Variants in DLGAP1 observed in about 807,000 individuals in gnomAD.
The protein encoded by DLGAP1 is DLG associated protein 1, also known as disks large-associated protein 1.
Under a neutral mutation model 90.8 loss-of-function variants are expected in DLGAP1, and 11 were observed. The observed-to-expected ratio is 0.12, with a 90% confidence interval of 0.08 to 0.20. The LOEUF (loss-of-function observed/expected upper bound fraction) is 0.20, where lower values mean the gene tolerates loss of function less well. Ranked by LOEUF, DLGAP1 falls within the 10% of genes least tolerant of loss-of-function variation. The pLI is 1.00. For missense variants in DLGAP1, 1,050 were observed against 1,333.8 expected, an observed-to-expected ratio of 0.79 and a Z score of 3.31; for synonymous variants, 558 against 540.7, an observed-to-expected ratio of 1.03 and a Z score of -0.44.
chr18:4,075,221 A>T (rs370560191), intron 2 of DLGAP1, among the ~76,000 whole-genome samples: 1 of 152,170 alleles, frequency 6.6e-6, no homozygotes, highest in African/African-American at 2.4e-5. Context: ...ATGCATTCTT[A>T]TTTCAATGCT....
intron 7 of DLGAP1, among the ~76,000 whole-genome samples, chr18:3,586,280 A>T (rs960941101): frequency 1.3e-5 from 2 of 151,846 alleles, no homozygotes; most frequent in Non-Finnish European, 2.9e-5. Flanking sequence ...GAGGGACATT[A>T]CTCATTATTA....
At chr18:3,576,861 C>A (rs553969499) in intron 8 of DLGAP1, among the ~76,000 whole-genome samples, 1 of 143,426 alleles carries the variant, frequency 7.0e-6, no homozygotes, top group East Asian at 2.0e-4. Flanking sequence ...CCACTACGCC[C>A]GGCCTTTTTT....
At position 3,922,800 on chromosome 18, in the gene DLGAP1, G is replaced by C. The variant is rs181129746; in HGVS notation, c.-72-42660C>G. Reference sequence around the variant, plus strand: ...ACTTCTGGGTAAAAGGATTTAGGTAGCTTCAGATTTAATAAATACTGTCAA... The same window carrying C: ...ACTTCTGGGTAAAAGGATTTAGGTACCTTCAGATTTAATAAATACTGTCAA... On this transcript the variant is annotated intron_variant, in intron 3 of 12. Coordinates refer to ENST00000315677, the MANE Select transcript of DLGAP1 (RefSeq NM_004746.4). Among the ~76,000 whole-genome samples the C allele has an allele frequency of 2.8e-3, 428 of 152,188 alleles. 3 individuals carry two copies. The highest frequency in any genetic ancestry group is 0.01 in the African/African-American group (418 of 41,534).
chr18:3,845,360 G>C, intron 4 of DLGAP1: 1 of 1,541,354 alleles, frequency 6.5e-7, no homozygotes. Flanking sequence ...ATTCTAAGTG[G>C]TTGAGTGAGG....
At chr18:3,641,188 ATAT>A (rs1489990175) in intron 7 of DLGAP1, among the ~76,000 whole-genome samples, 1 of 151,850 alleles carries the variant, frequency 6.6e-6, no homozygotes, top group Non-Finnish European at 1.5e-5. Context: ...TATATATCAT[ATAT>A]TAATACATAA....
chr18:3,948,973 T>A (rs1457218457), intron 3 of DLGAP1, among the ~76,000 whole-genome samples: 1 of 152,116 alleles, frequency 6.6e-6, no homozygotes, highest in Non-Finnish European at 1.5e-5. Context: ...AACTACATCA[T>A]TATAAACCTA....
At chr18:4,298,232 C>T (rs529932030) in intron 1 of DLGAP1, among the ~76,000 whole-genome samples, 10 of 152,204 alleles carry the variant, frequency 6.6e-5, no homozygotes, top group South Asian at 2.1e-4. Flanking sequence ...GCATCCCCCG[C>T]GAATACTGCA....
At chr18:4,002,622 T>C (rs1410042855) in intron 3 of DLGAP1, among the ~76,000 whole-genome samples, 3 of 152,164 alleles carry the variant, frequency 2.0e-5, no homozygotes, top group Admixed American at 1.3e-4. Context: ...ATACAACATA[T>C]GTATTCAATG....
intron 10 of DLGAP1, among the ~76,000 whole-genome samples, chr18:3,521,782 T>C (rs2051208814): frequency 6.6e-6 from 1 of 152,216 alleles, no homozygotes; most frequent in Admixed American, 6.5e-5. Context: ...TAACTCCTAT[T>C]ATCTCCACTG....
At chr18:4,232,749 C>T (rs943249979) in intron 1 of DLGAP1, among the ~76,000 whole-genome samples, 1 of 152,184 alleles carries the variant, frequency 6.6e-6, no homozygotes, top group African/African-American at 2.4e-5. Context: ...TAGCTCCTCT[C>T]ATATGGGACT....
chr18:3,568,622 T>C (rs2054570407), intron 8 of DLGAP1, among the ~76,000 whole-genome samples: 1 of 152,138 alleles, frequency 6.6e-6, no homozygotes, highest in Non-Finnish European at 1.5e-5. Flanking sequence ...AGAATTATTG[T>C]CAATTATTTG....
At chr18:3,833,148 TC>T (rs1377723710) in intron 4 of DLGAP1, among the ~76,000 whole-genome samples, 2 of 710 alleles carry the variant, frequency 2.8e-3, no homozygotes, top group African/African-American at 9.1e-3. Flanking sequence ...CTTCCTTCCT[TC>T]CTTCCTTCCT....
intron 10 of DLGAP1, among the ~76,000 whole-genome samples, chr18:3,531,439 T>TA (rs935953718): frequency 3.7e-4 from 55 of 150,544 alleles, no homozygotes; most frequent in East Asian, 3.1e-3. Flanking sequence ...CTCTGTCTTT[T>TA]AAAAAAAAAA....
At chr18:4,267,489 C>T (rs1298585758) in intron 1 of DLGAP1, among the ~76,000 whole-genome samples, 1 of 152,164 alleles carries the variant, frequency 6.6e-6, no homozygotes, top group African/African-American at 2.4e-5. Context: ...TTTGTTTTAA[C>T]AAACACAAGA....
chr18:3,692,406 T>C (rs567420224), intron 7 of DLGAP1, among the ~76,000 whole-genome samples: 1 of 152,332 alleles, frequency 6.6e-6, no homozygotes, highest in Non-Finnish European at 1.5e-5. Flanking sequence ...TCAAATGTAA[T>C]TTTATCATTT....
intron 7 of DLGAP1, among the ~76,000 whole-genome samples, chr18:3,618,400 C>A (rs1430667089): frequency 1.3e-5 from 2 of 152,060 alleles, no homozygotes; most frequent in African/African-American, 2.4e-5. Flanking sequence ...TTTCAAAGAA[C>A]ATCCGACACA....
intron 2 of DLGAP1, among the ~76,000 whole-genome samples, chr18:4,042,603 G>A (rs556092383): frequency 4.6e-5 from 7 of 152,252 alleles, no homozygotes; most frequent in African/African-American, 1.7e-4. Context: ...GCTGGTCAGG[G>A]GTGGCGTGCG....
At chr18:3,764,043 C>G (rs532706629) in intron 5 of DLGAP1, among the ~76,000 whole-genome samples, 75 of 152,254 alleles carry the variant, frequency 4.9e-4, no homozygotes, top group Admixed American at 7.8e-4. Context: ...ATGAGAAAAG[C>G]AAAAATAACA....
intron 1 of DLGAP1, among the ~76,000 whole-genome samples, chr18:4,333,822 T>G (rs1598921625): frequency 1.3e-5 from 2 of 151,294 alleles, no homozygotes; most frequent in African/African-American, 4.9e-5. Flanking sequence ...GGATGGTCTC[T>G]ATCTCCTAAC....
Sources: allele counts gnomAD v4.1 joint callset (sites outside exome capture counted in the v4.1 genomes callset), GRCh38; gene constraint gnomAD v4.1.1; transcripts MANE v1.5; gene names NCBI Gene and HGNC (gene_info 2026-07-23, HGNC 2026-07-21).